The following PDE10A variants were observed in gnomAD, a reference collection of about 807,000 sequenced individuals.
The protein encoded by PDE10A is cAMP and cAMP-inhibited cGMP 3',5'-cyclic phosphodiesterase 10A.
Under a neutral mutation model 97.7 loss-of-function variants are expected in PDE10A, and 39 were observed. The observed-to-expected ratio is 0.40, with a 90% confidence interval of 0.31 to 0.52. The LOEUF (loss-of-function observed/expected upper bound fraction) is 0.52, where lower values mean the gene tolerates loss of function less well. PDE10A is among the 20% of genes least tolerant of loss of function. The pLI, the probability that PDE10A is intolerant of heterozygous loss-of-function variation, is 0.56. For missense variants in PDE10A, 731 were observed against 1,047.8 expected (o/e 0.70, Z 4.17); for synonymous variants, 371 against 376.8 (o/e 0.98, Z 0.18).
intron 1 of PDE10A, among the ~76,000 whole-genome samples, chr6:165,571,813 C>T (rs962161057): frequency 3.9e-5 from 6 of 152,220 alleles, no homozygotes; most frequent in African/African-American, 1.4e-4. Context: ...GACACTATAG[C>T]TGTTCCACTT....
intron 1 of PDE10A, among the ~76,000 whole-genome samples, chr6:165,981,631 G>A (rs192611861): frequency 6.6e-6 from 1 of 152,094 alleles, no homozygotes; most frequent in South Asian, 2.1e-4. Context: ...ACCTTCTTTG[G>A]CCCACTGGAT....
At chr6:165,979,689 C>T (rs901155056) in intron 1 of PDE10A, among the ~76,000 whole-genome samples, 3 of 152,150 alleles carry the variant, frequency 2.0e-5, no homozygotes, top group South Asian at 2.1e-4. Context: ...AACTCCCACA[C>T]GGTGGAAATG....
At position 165,534,431 on chromosome 6, in the gene PDE10A, C is replaced by T. The variant is rs560162276; in HGVS notation, c.994+9009G>A. ...TCAAAACACTGAGGAGGAGAAAATA[C>T]TTTCAAACTCATTCTATGAGGCCAG... On this transcript the variant is annotated intron_variant, in intron 2 of 21. Coordinates refer to ENST00000539869, the MANE Select transcript of PDE10A (RefSeq NM_001385079.1). Among the ~76,000 whole-genome samples the T allele has an allele frequency of 9.2e-5, 14 of 151,844 alleles. No individual in the cohort carries two copies. The East Asian group carries it at 1.7e-3, about 19-fold the overall frequency.
At chr6:165,451,565 TACCCTCACTGTCACA>T (rs1386774566) in intron 3 of PDE10A, among the ~76,000 whole-genome samples, 2 of 152,222 alleles carry the variant, frequency 1.3e-5, no homozygotes, top group Admixed American at 6.5e-5. Context: ...CCACTCTGTC[TACCCTCACTGTCACA>T]ACCCTGGCCA....
chr6:165,884,722 C>G (rs1781581944), intron 1 of PDE10A, among the ~76,000 whole-genome samples: 1 of 152,120 alleles, frequency 6.6e-6, no homozygotes, highest in African/African-American at 2.4e-5. Context: ...AAGAGGAACA[C>G]AGAAATGAAC....
chr6:165,391,151 C>T (rs1032623257), intron 16 of PDE10A, among the ~76,000 whole-genome samples: 4 of 152,156 alleles, frequency 2.6e-5, no homozygotes, highest in African/African-American at 9.7e-5. Context: ...CCTTGTTAAG[C>T]ATTTCCCTTT....
At chr6:165,416,083 AGAACT>A (rs1267430739) in intron 12 of PDE10A, 101 bp downstream of exon 12, 1 of 738,246 alleles carries the variant, frequency 1.4e-6, no homozygotes, top group Non-Finnish European at 2.4e-6. Context: ...TAAGGAAGAA[AGAACT>A]GAATTGGGAC....
chr6:165,378,254 G>T (rs984891090), intron 18 of PDE10A, among the ~76,000 whole-genome samples: 3 of 152,136 alleles, frequency 2.0e-5, no homozygotes, highest in African/African-American at 7.2e-5. Flanking sequence ...CAAAATGTAG[G>T]ATCAGTACTT....
intron 1 of PDE10A, among the ~76,000 whole-genome samples, chr6:165,980,388 T>C (rs1186018946): frequency 1.0e-5 from 1 of 96,812 alleles, no homozygotes; most frequent in Non-Finnish European, 2.3e-5. Context: ...TGTGGTTGCT[T>C]ATGAAAGCTT....
intron 18 of PDE10A, among the ~76,000 whole-genome samples, chr6:165,350,240 T>C (rs1386401780): frequency 6.6e-6 from 1 of 152,164 alleles, no homozygotes; most frequent in East Asian, 1.9e-4. Flanking sequence ...CCGAAGGCCG[T>C]GGGAGCCCAC....
chr6:165,362,487 C>CA (rs1783485365), intron 18 of PDE10A, among the ~76,000 whole-genome samples: 1 of 152,056 alleles, frequency 6.6e-6, no homozygotes, highest in African/African-American at 2.4e-5. Flanking sequence ...TCTAGAAAGA[C>CA]ACAAGTGACT....
intron 18 of PDE10A, among the ~76,000 whole-genome samples, chr6:165,362,762 A>C (rs1409228816): frequency 6.6e-6 from 1 of 152,186 alleles, no homozygotes; most frequent in South Asian, 2.1e-4. Flanking sequence ...ATACCACAAA[A>C]AAGAAAAGTA....
chr6:165,368,792 C>T (rs930389738), intron 18 of PDE10A, among the ~76,000 whole-genome samples: 1 of 152,156 alleles, frequency 6.6e-6, no homozygotes, highest in African/African-American at 2.4e-5. Flanking sequence ...GGTCCCTGAC[C>T]CCTGACCCCT....
At chr6:165,532,447 C>A (rs182863418) in intron 2 of PDE10A, among the ~76,000 whole-genome samples, 1 of 151,964 alleles carries the variant, frequency 6.6e-6, no homozygotes, top group East Asian at 1.9e-4. Context: ...TTATTGAAAT[C>A]AGTTATACAA....
exon 1 of PDE10A, chr6:165,987,626 G>A (rs765366088): frequency 2.4e-6 from 1 of 423,460 alleles, no homozygotes; most frequent in African/African-American, 2.1e-5. Context: ...AAAAAAAAAG[G>A]CAAGGCGCCG....
chr6:165,759,783 T>G (rs1224726808), intron 1 of PDE10A, among the ~76,000 whole-genome samples: 1 of 152,196 alleles, frequency 6.6e-6, no homozygotes, highest in Non-Finnish European at 1.5e-5. Context: ...CCCAAAGTAG[T>G]TTACAGGGAG....
chr6:165,459,412 G>A (rs2128256713), intron 3 of PDE10A, among the ~76,000 whole-genome samples: 1 of 152,048 alleles, frequency 6.6e-6, no homozygotes, highest in South Asian at 2.1e-4. Context: ...AGAAATCCCA[G>A]TTCCCCTTAG....
At chr6:165,794,268 C>G (rs978143224) in intron 1 of PDE10A, among the ~76,000 whole-genome samples, 4 of 151,366 alleles carry the variant, frequency 2.6e-5, no homozygotes, top group Non-Finnish European at 5.9e-5. Flanking sequence ...CACATACACA[C>G]TCATCACACA....
intron 18 of PDE10A, among the ~76,000 whole-genome samples, chr6:165,344,142 A>C (rs554632018): frequency 1.3e-5 from 2 of 152,086 alleles, no homozygotes; most frequent in African/African-American, 4.8e-5. Flanking sequence ...TTGCATTCAT[A>C]ACTAGGTGCT....
Sources: gnomAD v4.1 joint callset for allele counts (sites outside exome capture counted in the v4.1 genomes callset) on GRCh38, gnomAD v4.1.1 for gene constraint, MANE v1.5 for transcripts, NCBI Gene and HGNC (gene_info 2026-07-23, HGNC 2026-07-21) for gene names.